LARS2: variants seen among roughly 807,000 people sequenced by gnomAD.
The protein encoded by LARS2 is leucine--tRNA ligase, mitochondrial.
Under a neutral mutation model 116.6 loss-of-function variants are expected in LARS2, and 81 were observed. The ratio of observed to expected loss-of-function variants is 0.69; its 90% confidence interval spans 0.58 to 0.84. The LOEUF is 0.84. Among genes scored for constraint, LARS2 ranks in the 40% least tolerant of loss-of-function variants. LARS2 has a pLI of 0.00. For synonymous variants in LARS2, 396 were observed against 407.2 expected (o/e 0.97, Z 0.33); for missense variants, 968 against 1,114.5 (o/e 0.87, Z 1.87).
rs1027889020 is a variant in LARS2, at chr3:45,513,359, C to T, written c.1861+124C>T. The T allele has an allele frequency of 4.3e-6, 3 of 693,392 alleles. No homozygotes were observed. In the South Asian group the frequency reaches 5.0e-5, roughly 11 times the overall value. The allele number at this position is 693,392 out of a possible 1,614,324, so 43.0% of individuals were successfully genotyped here. On this transcript the variant is annotated intron_variant, in intron 16 of 21. Coordinates refer to ENST00000645846, the MANE Select transcript of LARS2 (RefSeq NM_015340.4). ...AGGATGCAGGAGAGAGACCCGCTGG[C>T]TGTGAGGTCTCTAAGCCTCAGCTCC...
At chr3:45,493,194 C>T (rs943884874) in intron 13 of LARS2, among the ~76,000 whole-genome samples, 2 of 152,128 alleles carry the variant, frequency 1.3e-5, no homozygotes, top group South Asian at 2.1e-4. Flanking sequence ...CCACCTCCCG[C>T]GTTCACACCA....
chr3:45,447,404 G>A (rs1276176127), intron 7 of LARS2, among the ~76,000 whole-genome samples: 4 of 152,298 alleles, frequency 2.6e-5, no homozygotes, highest in African/African-American at 9.6e-5. Context: ...AAATTTAATT[G>A]CCATTGTGAT....
intron 20 of LARS2, among the ~76,000 whole-genome samples, chr3:45,536,520 G>C (rs1700707349): frequency 6.6e-6 from 1 of 152,192 alleles, no homozygotes. Context: ...AGAGTACGTG[G>C]AATGTGCCTG....
At chr3:45,409,463 G>A (rs1275190906) in intron 4 of LARS2, among the ~76,000 whole-genome samples, 1 of 152,166 alleles carries the variant, frequency 6.6e-6, no homozygotes, top group Non-Finnish European at 1.5e-5. Context: ...ACATGTACAA[G>A]GCTGGCAAGG....
intron 6 of LARS2, among the ~76,000 whole-genome samples, chr3:45,432,572 T>A (rs1163732648): frequency 5.3e-5 from 8 of 151,770 alleles, no homozygotes; most frequent in Admixed American, 5.2e-4. Context: ...CAAGGGAAAT[T>A]AAAAAATACC....
chr3:45,471,241 A>G (rs1011551209), intron 8 of LARS2, among the ~76,000 whole-genome samples: 2 of 152,242 alleles, frequency 1.3e-5, no homozygotes, highest in Non-Finnish European at 2.9e-5. Context: ...AGCCCTGTTC[A>G]TCAGAAAACA....
chr3:45,486,616 C>G (rs1367823391), intron 11 of LARS2, among the ~76,000 whole-genome samples: 1 of 152,142 alleles, frequency 6.6e-6, no homozygotes, highest in Non-Finnish European at 1.5e-5. Context: ...CATTTTTCCC[C>G]TCATAACGCT....
chr3:45,527,015 G>T (rs753485486), intron 20 of LARS2, among the ~76,000 whole-genome samples: 30 of 152,236 alleles, frequency 2.0e-4, no homozygotes, highest in Middle Eastern at 3.4e-3. Flanking sequence ...GACACAAGTG[G>T]GTCTCAGATG....
chr3:45,536,274 C>A (rs1439781002), intron 20 of LARS2, among the ~76,000 whole-genome samples: 2 of 152,114 alleles, frequency 1.3e-5, no homozygotes, highest in African/African-American at 4.8e-5. Flanking sequence ...GCATGCACCA[C>A]CACATCTGGC....
chr3:45,475,477 A>G (rs1050404861), intron 9 of LARS2, among the ~76,000 whole-genome samples: 13 of 152,220 alleles, frequency 8.5e-5, no homozygotes, highest in Non-Finnish European at 1.8e-4. Context: ...TTAAATCTGC[A>G]AGGCCATCTC....
intron 12 of LARS2, among the ~76,000 whole-genome samples, chr3:45,491,110 G>C (rs1282938566): frequency 6.6e-6 from 1 of 152,178 alleles, no homozygotes; most frequent in Non-Finnish European, 1.5e-5. Flanking sequence ...GATGATCTCT[G>C]TAGGTGTCAC....
chr3:45,428,885 C>T (rs1343081661), intron 6 of LARS2, among the ~76,000 whole-genome samples: 1 of 151,824 alleles, frequency 6.6e-6, no homozygotes, highest in African/African-American at 2.4e-5. Context: ...ATATTTCTCC[C>T]CCTGAATTAT....
chr3:45,536,939 T>C (rs550558768), intron 20 of LARS2, among the ~76,000 whole-genome samples: 46 of 152,282 alleles, frequency 3.0e-4, no homozygotes, highest in African/African-American at 1.0e-3. Context: ...GTATCAACAC[T>C]ATTCCATTCT....
intron 15 of LARS2, among the ~76,000 whole-genome samples, chr3:45,511,742 CA>C (rs1426883210): frequency 1.3e-5 from 2 of 151,726 alleles, no homozygotes; most frequent in Admixed American, 1.3e-4. Flanking sequence ...CTTGGATTCC[CA>C]GCCCCTTCTT....
chr3:45,412,945 T>C (rs557237847), intron 4 of LARS2, among the ~76,000 whole-genome samples: 2 of 152,250 alleles, frequency 1.3e-5, no homozygotes, highest in Non-Finnish European at 2.9e-5. Context: ...GCTGATGGAC[T>C]GCTCCTGGTC....
At chr3:45,500,648 C>G in intron 15 of LARS2, 69 bp downstream of exon 15, 1 of 1,220,312 alleles carries the variant, frequency 8.2e-7, no homozygotes. Flanking sequence ...GGTGTCAGTT[C>G]TTCTGAAGCA....
intron 7 of LARS2, among the ~76,000 whole-genome samples, chr3:45,455,488 C>T (rs1259738894): frequency 1.3e-5 from 2 of 152,082 alleles, no homozygotes; most frequent in African/African-American, 4.8e-5. Flanking sequence ...TTGGTCCTTT[C>T]TTTCTACCTG....
rs1198963472 is a variant in LARS2 at position 45,548,638 on chromosome 3, G to C, written c.*1108G>C. ...TTTTATGTGAAGTCAGCAATTAAGT[G>C]TTCCCACTAGAACTGACCTAAGCCA... On this transcript the variant is annotated 3_prime_UTR_variant, in exon 22 of 22. Coordinates refer to ENST00000645846, the MANE Select transcript of LARS2 (RefSeq NM_015340.4). 6.6e-6 allele frequency: 1 copy of C among 152,232 alleles called. No homozygotes were observed. Among genetic ancestry groups the C allele is most frequent in the African/African-American group, 2.4e-5 (1 of 41,458 alleles). The allele number at this position is 152,232 out of a possible 1,614,324, so 9.4% of individuals were successfully genotyped here. A position where few individuals can be genotyped will look rare whatever the true frequency, so the allele number is the denominator to read the frequency against.
chr3:45,518,061 G>A lies in LARS2; in HGVS notation c.2203G>A (p.Val735Ile), dbSNP rs141011840. ...GAAGCTCTGGGAGTACAAGAACTCCGTCATCTCTCAGGTCAGAAACTCTCC... is the reference window on the plus strand; with the variant it reads ...GAAGCTCTGGGAGTACAAGAACTCCATCATCTCTCAGGTCAGAAACTCTCC... ...ARKLWEYKNS[V>I]ISQVTTHFTE... Residue 735 changes from valine to isoleucine, a missense_variant, in exon 18 of 22, where the codon GTC becomes ATC. By Grantham distance (29) the Val-to-Ile change is conservative. Transcript: ENST00000645846. The A allele has an allele frequency of 1.0e-4, 168 of 1,611,762 alleles. 1 individual carries two copies. The African/African-American group carries it at 1.1e-3, about 11-fold the overall frequency.
Sources: allele counts gnomAD v4.1 joint callset (sites outside exome capture counted in the v4.1 genomes callset), GRCh38; gene constraint gnomAD v4.1.1; transcripts MANE v1.5; gene names NCBI Gene and HGNC (gene_info 2026-07-23, HGNC 2026-07-21).